The following SIRT3 variants were observed in gnomAD, a reference collection of about 807,000 sequenced individuals.
SIRT3 encodes sirtuin 3.
Under a neutral mutation model 33.5 loss-of-function variants are expected in SIRT3, and 26 were observed. The observed-to-expected ratio is 0.78, with a 90% CI of 0.57 to 1.08. SIRT3 has a LOEUF of 1.08. SIRT3 is among the 50% of genes least tolerant of loss of function. The pLI, the probability that SIRT3 is intolerant of heterozygous loss-of-function variation, is 0.00. For synonymous variants in SIRT3, 237 were observed against 222.1 expected (o/e 1.07, Z -0.60); for missense variants, 585 against 530.1 (o/e 1.10, Z -1.02).
At position 224,105 on chromosome 11, in the gene SIRT3, C is replaced by G; in HGVS notation, c.942G>C (p.Leu314=). Residue 314 remains leucine, a synonymous_variant, in exon 5 of 7, where the codon CTG becomes CTC. Transcript: ENST00000382743. The stretch of plus-strand genomic sequence containing the variant: ...CCAGGGAGGTCCCAAGGATGAGCAG[C>G]AGATCTGCCATGGGGAAATCAACCA... ...LHVVDFPMAD[L]LLILGTSLEV... 6.2e-7 allele frequency: 1 copy of G among 1,614,220 alleles called. No homozygotes were observed. The highest frequency in any genetic ancestry group is 2.2e-5 in the East Asian group (1 of 44,878).
At chr11:219,105 T>G in intron 5 of SIRT3, 64 bp from the exon 6 acceptor site, 1 of 1,522,720 alleles carries the variant, frequency 6.6e-7, no homozygotes, top group Non-Finnish European at 8.9e-7. Context: ...GGATGTTTCA[T>G]GCCACAGCCA....
chr11:232,513 A>G (rs971045050), intron 3 of SIRT3, among the ~76,000 whole-genome samples: 2 of 152,130 alleles, frequency 1.3e-5, no homozygotes, highest in Admixed American at 1.3e-4. Flanking sequence ...GATGTGAGAG[A>G]TTTGCTTCAA....
chr11:223,227 G>C lies in SIRT3; in HGVS notation c.969+851C>G, dbSNP rs998719562. 6.3e-6 allele frequency: 1 copy of C among 159,752 alleles called. No homozygotes were observed. Among genetic ancestry groups the C allele is most frequent in the Non-Finnish European group, 1.4e-5 (1 of 72,698 alleles). The allele number at this position is 159,752 out of a possible 1,614,324, so 9.9% of individuals were successfully genotyped here. The stretch of plus-strand genomic sequence containing the variant: ...GAGCTGCAGACGCAGACGCAGAACA[G>C]CTGCTTGAACACATCCAGGGCATGT... On this transcript the variant is annotated intron_variant, in intron 5 of 6. Transcript: ENST00000382743. The surrounding 1 kb of genome is among the most constrained non-coding windows in gnomAD (Gnocchi z 4.8).
chr11:233,417 C>A lies in SIRT3; in HGVS notation c.399G>T (p.Arg133=), dbSNP rs199850070. 3 of 1,614,032 alleles carry A rather than the reference C, an allele frequency of 1.9e-6. No homozygotes were observed. In the African/African-American group the frequency reaches 4.0e-5, roughly 22 times the overall value. Residue 133 remains arginine, a synonymous_variant, in exon 2 of 7, where the codon CGG becomes CGT. Transcript: ENST00000382743. ...CCACCACCCTCTGGCAGGCTCTGGC[C>A]CGAATCAGCTCAGCTACATCCTGCA... ...LSLQDVAELI[R]ARACQRVVVM...
chr11:217,009 G>C (rs1482457534), intron 6 of SIRT3, among the ~76,000 whole-genome samples: 1 of 152,170 alleles, frequency 6.6e-6, no homozygotes, highest in African/African-American at 2.4e-5. Context: ...TAACCCCTTG[G>C]ATAGTAATGC....
chr11:236,383 C>CCCGCCT (rs1859146419), upstream of SIRT3: 15 of 1,172,278 alleles, frequency 1.3e-5, no homozygotes, highest in African/African-American at 1.7e-5. Flanking sequence ...GCGCCCCGGC[C>CCCGCCT]CCGCCTCCGC....
intron 4 of SIRT3, among the ~76,000 whole-genome samples, chr11:227,546 C>T (rs1158365636): frequency 1.3e-5 from 2 of 152,186 alleles, no homozygotes; most frequent in Non-Finnish European, 2.9e-5. Flanking sequence ...GACCAGCCAA[C>T]ACAGTACTGA....
At chr11:218,759 C>T in intron 6 of SIRT3, 73 bp downstream of exon 6, 1 of 1,606,790 alleles carries the variant, frequency 6.2e-7, no homozygotes, top group Non-Finnish European at 8.5e-7. Context: ...AACGGGGCTC[C>T]ATATCAGGTG....
At position 215,539 on chromosome 11, in the gene SIRT3, T is replaced by A. The variant is rs1344621588; in HGVS notation, c.*1159A>T. On this transcript the variant is annotated 3_prime_UTR_variant, in exon 7 of 7. Transcript: ENST00000382743. ...AGTCACAGGACCCCCTTCCTGGGAG[T>A]CACTGTCATTAAATCTATTGCCGTC... The A allele has an allele frequency of 6.6e-6, 1 of 152,100 alleles. No individual in the cohort carries two copies. Among genetic ancestry groups the A allele is most frequent in the Non-Finnish European group, 1.5e-5 (1 of 68,032 alleles). 9.4% of individuals were successfully genotyped at this position (152,100 alleles called of 1,614,324 possible).
chr11:236,260 C>CT lies in SIRT3; in HGVS notation c.68dup (p.Ala24GlyfsTer36). On this transcript the variant is annotated frameshift_variant, in exon 1 of 7. Transcript: ENST00000382743. LOFTEE classifies it high-confidence loss of function. Reference sequence around the variant, plus strand: ...GAAACGGCCCCACGCCTCCCCCGGCCTCGACCCGTTCAACTACCCGGCCCC... The same window carrying CT: ...GAAACGGCCCCACGCCTCCCCCGGCCTTCGACCCGTTCAACTACCCGGCCCC... 6.5e-7 allele frequency: 1 copy of CT among 1,544,668 alleles called. No individual in the cohort carries two copies. Among genetic ancestry groups the CT allele is most frequent in the Admixed American group, 1.9e-5 (1 of 51,960 alleles).
intron 4 of SIRT3, among the ~76,000 whole-genome samples, chr11:225,297 AGCTACTTGGGAG>A (rs1340267310): frequency 2.6e-5 from 4 of 152,146 alleles, no homozygotes; most frequent in Non-Finnish European, 4.4e-5. Context: ...CTGTAATCCC[AGCTACTTGGGAG>A]GCTGAGGCAG....
chr11:232,407 ACACCTGTAATCCGG>A (rs1858179201), intron 3 of SIRT3, among the ~76,000 whole-genome samples: 2 of 152,048 alleles, frequency 1.3e-5, no homozygotes, highest in African/African-American at 4.8e-5. Context: ...GTGTGATCCC[ACACCTGTAATCCGG>A]CACCCGGCCG....
At chr11:235,193 T>G (rs1453106845) in intron 1 of SIRT3, among the ~76,000 whole-genome samples, 2 of 96,906 alleles carry the variant, frequency 2.1e-5, no homozygotes, top group Non-Finnish European at 4.0e-5. Flanking sequence ...CAGGATCTAT[T>G]AAACTTTTTT....
At chr11:230,728 A>C in intron 3 of SIRT3, 176 bp from the exon 4 acceptor site, 3 of 404,502 alleles carry the variant, frequency 7.4e-6, no homozygotes, top group Non-Finnish European at 1.3e-5. Flanking sequence ...ATCAACCAGA[A>C]TAAGGCAGGG....
In SIRT3 at chr11:228,348, T is replaced by C. The variant is rs143791303; in HGVS notation, c.807+2104A>G. On this transcript the variant is annotated intron_variant, in intron 4 of 6. Coordinates refer to ENST00000382743, the MANE Select transcript of SIRT3 (RefSeq NM_012239.6). ...ATACGTATATATCAAGTTTCTACTA[T>C]GTGCTGGACTCACACTTCCTAATTT... 4.6e-5 allele frequency among the ~76,000 whole-genome samples: 7 copies of C among 152,370 alleles called. No homozygotes were observed. In the East Asian group the frequency reaches 1.3e-3, roughly 29 times the overall value.
In SIRT3 at chr11:216,429, G is replaced by A. The variant is rs1275313404; in HGVS notation, c.*269C>T. ...GTCAGAAGAAAGCTTTTTCCATTAG[G>A]AGCTTCAGCAGAGTGAAGAGTTCAA... On this transcript the variant is annotated 3_prime_UTR_variant, in exon 7 of 7. Transcript: ENST00000382743. The A allele has an allele frequency of 2.2e-6, 1 of 464,174 alleles. No homozygotes were observed. The highest frequency in any genetic ancestry group is 3.8e-6 in the Non-Finnish European group (1 of 260,336). 28.8% of individuals were successfully genotyped at this position (464,174 alleles called of 1,614,324 possible).
chr11:236,071 T>C lies in SIRT3; in HGVS notation c.258A>G (p.Ala86=). The change falls in exon 1 of 7, where the codon GCA becomes GCG. Residue 86 remains alanine, a synonymous_variant. Coordinates refer to ENST00000382743, the MANE Select transcript of SIRT3 (RefSeq NM_012239.6). ...PRAFRRQPRA[A]APSFFFSSIK... ...ACCTCGAAAAGAAGAAACTGGGAGC[T>C]GCTGCCCTCGGCTGCCTCCGGAATG... 1 of 1,542,538 alleles carries C rather than the reference T, an allele frequency of 6.5e-7. No homozygotes were observed. Among genetic ancestry groups the C allele is most frequent in the Non-Finnish European group, 8.7e-7 (1 of 1,145,486 alleles).
chr11:235,984 G>A, intron 1 of SIRT3, 64 bp downstream of exon 1: 1 of 1,400,306 alleles, frequency 7.1e-7, no homozygotes, highest in African/African-American at 1.5e-5. Context: ...ACGGCAAGGT[G>A]AGAAAGAGTG....
intron 3 of SIRT3, among the ~76,000 whole-genome samples, chr11:231,431 GT>G (rs1297025604): frequency 6.6e-6 from 1 of 152,120 alleles, no homozygotes; most frequent in Non-Finnish European, 1.5e-5. Flanking sequence ...CCAAGACCCT[GT>G]CTCAAAAATT....
Sources: allele counts gnomAD v4.1 joint callset (sites outside exome capture counted in the v4.1 genomes callset), GRCh38; gene constraint gnomAD v4.1.1; non-coding constraint Gnocchi (gnomAD v3.1); transcripts MANE v1.5; gene names NCBI Gene and HGNC (gene_info 2026-07-23, HGNC 2026-07-21).